AK5: variants seen among roughly 807,000 people sequenced by gnomAD.
AK5 encodes adenylate kinase 5, also known as adenylate kinase isoenzyme 5.
In AK5, 27 loss-of-function variants were observed where a neutral mutation model predicts 69.5. That is an observed-to-expected ratio of 0.39 (90% CI 0.29 to 0.54). The LOEUF is 0.54. Ranked by LOEUF, AK5 falls within the 20% of genes least tolerant of loss-of-function variation. The pLI is 0.71. For missense variants in AK5, 531 were observed against 700.4 expected, an observed-to-expected ratio of 0.76 and a Z score of 2.73; for synonymous variants, 260 against 244.4, an observed-to-expected ratio of 1.06 and a Z score of -0.60.
chr1:77,290,919 G>A (rs372823019), intron 2 of AK5, among the ~76,000 whole-genome samples: 1 of 152,298 alleles, frequency 6.6e-6, no homozygotes, highest in East Asian at 1.9e-4. Context: ...GAGCACAATG[G>A]CACTATAGGA....
At chr1:77,392,869 T>C (rs1338826300) in intron 6 of AK5, among the ~76,000 whole-genome samples, 1 of 152,188 alleles carries the variant, frequency 6.6e-6, no homozygotes, top group African/African-American at 2.4e-5. Context: ...GCCCACCATG[T>C]CCCATTTTGC....
At chr1:77,302,694 G>A (rs1408715678) in intron 5 of AK5, among the ~76,000 whole-genome samples, 1 of 152,106 alleles carries the variant, frequency 6.6e-6, no homozygotes, top group African/African-American at 2.4e-5. Flanking sequence ...AACCTTGTGC[G>A]GTCTTAAATT....
chr1:77,528,986 C>G lies in AK5; in HGVS notation c.1429-6861C>G, dbSNP rs569318967. Among the ~76,000 whole-genome samples, 10 of 152,272 alleles carry G rather than the reference C, an allele frequency of 6.6e-5. No homozygotes were observed. The South Asian group carries it at 1.5e-3, about 22-fold the overall frequency. ...GGGATCCTTGACAAGTGCCTTTACA[C>G]ACTTATAAGCCTACATATGGTGTTC... On this transcript the variant is annotated intron_variant, in intron 12 of 13. Coordinates refer to ENST00000354567, the MANE Select transcript of AK5 (RefSeq NM_174858.3).
chr1:77,288,679 C>T (rs1263177501), intron 2 of AK5, among the ~76,000 whole-genome samples: 1 of 152,124 alleles, frequency 6.6e-6, no homozygotes, highest in African/African-American at 2.4e-5. Flanking sequence ...ACCAAACTTC[C>T]CACTGCTGCT....
intron 10 of AK5, among the ~76,000 whole-genome samples, chr1:77,497,062 T>A (rs528332101): frequency 2.8e-4 from 43 of 152,320 alleles, no homozygotes; most frequent in African/African-American, 9.6e-4. Context: ...TCACAATAAA[T>A]CTTGCTGCTG....
chr1:77,479,928 G>A (rs1289375165), intron 8 of AK5, among the ~76,000 whole-genome samples: 1 of 152,228 alleles, frequency 6.6e-6, no homozygotes, highest in African/African-American at 2.4e-5. Context: ...CAAGGCGACT[G>A]AGCATAAACA....
intron 10 of AK5, among the ~76,000 whole-genome samples, chr1:77,515,920 A>G (rs1053933063): frequency 1.3e-5 from 2 of 152,056 alleles, no homozygotes; most frequent in Non-Finnish European, 2.9e-5. Flanking sequence ...GGGTGTGGTG[A>G]TGTGCACCTG....
At chr1:77,429,739 G>A (rs539110081) in intron 8 of AK5, among the ~76,000 whole-genome samples, 87 of 152,298 alleles carry the variant, frequency 5.7e-4, no homozygotes, top group African/African-American at 1.8e-3. Flanking sequence ...GATTACAGGC[G>A]TGAGCCACTG....
chr1:77,288,077 T>C (rs1658466492), intron 2 of AK5, among the ~76,000 whole-genome samples: 1 of 152,176 alleles, frequency 6.6e-6, no homozygotes, highest in Non-Finnish European at 1.5e-5. Context: ...TGTATTAATC[T>C]AACACATTAA....
At chr1:77,555,148 C>T (rs1660033795) in intron 13 of AK5, among the ~76,000 whole-genome samples, 1 of 151,984 alleles carries the variant, frequency 6.6e-6, no homozygotes, top group Admixed American at 6.5e-5. Context: ...CATGGTGGCA[C>T]ACACCTATAA....
At chr1:77,405,078 G>C (rs1375427747) in intron 6 of AK5, among the ~76,000 whole-genome samples, 1 of 152,180 alleles carries the variant, frequency 6.6e-6, no homozygotes, top group East Asian at 1.9e-4. Flanking sequence ...GAGATCATAT[G>C]CATGTATGTT....
At chr1:77,422,090 G>A (rs1353250468) in intron 8 of AK5, among the ~76,000 whole-genome samples, 1 of 150,832 alleles carries the variant, frequency 6.6e-6, no homozygotes, top group South Asian at 2.1e-4. Flanking sequence ...CCATTCTCCA[G>A]CTGCCCAAGC....
intron 5 of AK5, among the ~76,000 whole-genome samples, chr1:77,331,551 C>T (rs971420703): frequency 1.3e-5 from 2 of 152,146 alleles, no homozygotes; most frequent in African/African-American, 2.4e-5. Flanking sequence ...ATCAATTTTT[C>T]ACCCACAGGT....
intron 13 of AK5, among the ~76,000 whole-genome samples, chr1:77,540,945 C>T (rs1013031469): frequency 1.3e-5 from 2 of 151,750 alleles, no homozygotes; most frequent in South Asian, 2.1e-4. Context: ...CTCGCTCTGT[C>T]ACCCAGGCTG....
chr1:77,298,213 A>T (rs1015120532), intron 5 of AK5, among the ~76,000 whole-genome samples: 1 of 151,978 alleles, frequency 6.6e-6, no homozygotes, highest in East Asian at 1.9e-4. Context: ...TTATTTCAAA[A>T]TACTTTTCAT....
At position 77,558,745 on chromosome 1, in the gene AK5, G is replaced by GTT. The variant is rs1317053754; in HGVS notation, c.*76_*77dup. The GTT allele has an allele frequency of 1.8e-6, 2 of 1,122,316 alleles. No homozygotes were observed. The allele number at this position is 1,122,316 out of a possible 1,614,324, so 69.5% of individuals were successfully genotyped here. On this transcript the variant is annotated 3_prime_UTR_variant, in exon 14 of 14. Transcript: ENST00000354567. ...TTCATTCCTTAACACAATGTTTCAA[G>GTT]TTAAACCTTTTGTGTCACCGCCCCC...
chr1:77,282,136 C>T lies in AK5; in HGVS notation c.-178C>T. 1 of 484,256 alleles carries T rather than the reference C, an allele frequency of 2.1e-6. No individual in the cohort carries two copies. The highest frequency in any genetic ancestry group is 3.6e-6 in the Non-Finnish European group (1 of 279,372). The allele number at this position is 484,256 out of a possible 1,614,324, so 30.0% of individuals were successfully genotyped here. A position where few individuals can be genotyped will look rare whatever the true frequency, so the allele number is the denominator to read the frequency against. On this transcript the variant is annotated 5_prime_UTR_variant, in exon 1 of 14. Coordinates refer to ENST00000354567, the MANE Select transcript of AK5 (RefSeq NM_174858.3). ...GCGGGAGCGCGGAGACCACAGCCCC[C>T]GGGGAGAGGCGGAGGGGGTCCCTGG...
chr1:77,529,952 CGTG>C (rs1291343897), intron 12 of AK5, among the ~76,000 whole-genome samples: 1 of 152,158 alleles, frequency 6.6e-6, no homozygotes, highest in Non-Finnish European at 1.5e-5. Flanking sequence ...ACATAACTCT[CGTG>C]GAGGTGGGAA....
intron 11 of AK5, 151 bp downstream of exon 11, chr1:77,518,878 G>A (rs1211678156): frequency 2.6e-6 from 2 of 772,234 alleles, no homozygotes; most frequent in Admixed American, 6.0e-5. Flanking sequence ...CCAGATGCAG[G>A]CAGGTCTACA....
Sources: gnomAD v4.1 joint callset for allele counts (sites outside exome capture counted in the v4.1 genomes callset) on GRCh38, gnomAD v4.1.1 for gene constraint, MANE v1.5 for transcripts, NCBI Gene and HGNC (gene_info 2026-07-23, HGNC 2026-07-21) for gene names.